Variants in MAP2K4 observed in about 807,000 individuals in gnomAD.
The protein encoded by MAP2K4 is dual specificity mitogen-activated protein kinase kinase 4.
Under a neutral mutation model 48.5 loss-of-function variants are expected in MAP2K4, and 4 were observed. The ratio of observed to expected loss-of-function variants is 0.08; its 90% confidence interval spans 0.04 to 0.19. MAP2K4 has a LOEUF of 0.19. MAP2K4 is among the 10% of genes least tolerant of loss of function. MAP2K4 has a pLI of 1.00. For synonymous variants in MAP2K4, 166 were observed against 173.1 expected (o/e 0.96, Z 0.32); for missense variants, 258 against 493.3 (o/e 0.52, Z 4.52).
chr17:12,067,974 T>A (rs1364674624), intron 2 of MAP2K4, among the ~76,000 whole-genome samples: 1 of 151,372 alleles, frequency 6.6e-6, no homozygotes, highest in Non-Finnish European at 1.5e-5. Flanking sequence ...AGAAGGAGGG[T>A]GGTGAAAATG....
chr17:12,054,931 T>C lies in MAP2K4; in HGVS notation c.158T>C (p.Phe53Ser), dbSNP rs372872972. 5.0e-6 allele frequency: 8 copies of C among 1,612,428 alleles called. No homozygotes were observed. The highest frequency in any genetic ancestry group is 6.8e-6 in the Non-Finnish European group (8 of 1,178,964). Reference protein sequence around the residue: ...ALKLNFANPPFKSTARFTLNP... With the variant: ...ALKLNFANPPSKSTARFTLNP... ...AAGTTGAATTTTGCAAATCCACCTT[T>C]CAAATCTACAGCAAGGTTTACTCTG... Residue 53 changes from phenylalanine to serine, a missense_variant, in exon 2 of 11, where the codon TTC (phenylalanine) becomes TCC (serine). Physicochemically the swap from Phe to Ser is radical, Grantham distance 155 (BLOSUM62 -2). Around this residue, in one of 3 missense-constraint regions of MAP2K4, gnomAD observed 132 missense variants for 352.8 expected, o/e 0.37. Coordinates refer to ENST00000353533, the MANE Select transcript of MAP2K4 (RefSeq NM_003010.4).
intron 6 of MAP2K4, 80 bp from the exon 7 acceptor site, chr17:12,113,153 C>T: frequency 7.3e-7 from 1 of 1,378,406 alleles, no homozygotes; most frequent in Admixed American, 1.9e-5. Flanking sequence ...TAAGGTTTTT[C>T]AATATTTTTG....
At chr17:12,089,071 C>G (rs1261740599) in intron 3 of MAP2K4, among the ~76,000 whole-genome samples, 1 of 152,028 alleles carries the variant, frequency 6.6e-6, no homozygotes, top group East Asian at 1.9e-4. Context: ...GCCACCACGC[C>G]TGGCTAATTT....
At position 12,129,114 on chromosome 17, in the gene MAP2K4, GCTCTTTC is replaced by G. The variant is rs1972947504; in HGVS notation, c.892-18_892-12del. On this transcript the variant is annotated intron_variant, in intron 8 of 10. Transcript: ENST00000353533. ...TAGTAAATGATGCCTGGTGTATTTT[GCTCTTTC>G]CTCTTTGTTCTCTTTAGTATGAGTT... 1.2e-6 allele frequency: 2 copies of G among 1,610,752 alleles called. No homozygotes were observed. The highest frequency in any genetic ancestry group is 3.3e-5 in the Admixed American group (2 of 59,896).
chr17:12,040,054 G>A (rs1302797213), intron 1 of MAP2K4, among the ~76,000 whole-genome samples: 1 of 152,142 alleles, frequency 6.6e-6, no homozygotes, highest in African/African-American at 2.4e-5. Context: ...TATCACATCA[G>A]GAGGCATATG....
intron 9 of MAP2K4, among the ~76,000 whole-genome samples, chr17:12,133,474 G>A (rs1213726282): frequency 6.6e-6 from 1 of 152,128 alleles, no homozygotes; most frequent in Non-Finnish European, 1.5e-5. Context: ...TGCTCCTTCT[G>A]CATTCCTCAG....
intron 9 of MAP2K4, among the ~76,000 whole-genome samples, chr17:12,130,286 G>A (rs2151591467): frequency 6.6e-6 from 1 of 152,250 alleles, no homozygotes; most frequent in Non-Finnish European, 1.5e-5. Flanking sequence ...TCAGAGGGGA[G>A]AGGAATACTT....
At chr17:12,043,094 G>C (rs555459033) in intron 1 of MAP2K4, among the ~76,000 whole-genome samples, 3 of 152,098 alleles carry the variant, frequency 2.0e-5, no homozygotes, top group African/African-American at 7.2e-5. Flanking sequence ...CTAGGTATTT[G>C]AAGGACATCT....
At chr17:12,046,850 G>A (rs1354971234) in intron 1 of MAP2K4, among the ~76,000 whole-genome samples, 1 of 151,814 alleles carries the variant, frequency 6.6e-6, no homozygotes, top group Non-Finnish European at 1.5e-5. Context: ...TTCCTTGTTA[G>A]ATGAGCAGCT....
At chr17:12,036,376 T>C (rs1969598130) in intron 1 of MAP2K4, 2 of 152,248 alleles carry the variant, frequency 1.3e-5, no homozygotes, top group South Asian at 2.1e-4. Flanking sequence ...AAGGTATTTA[T>C]ATAATTTATG....
In MAP2K4 at chr17:12,021,111, C is replaced by G. The variant is rs1369556432; in HGVS notation, c.115+110C>G. Reference sequence around the variant, plus strand: ...ACCCGGCTGAGGAAGCCACGGCAGCCGCCGGCTTCTCCCTCTCTCCCTCCC... The same window carrying G: ...ACCCGGCTGAGGAAGCCACGGCAGCGGCCGGCTTCTCCCTCTCTCCCTCCC... On this transcript the variant is annotated intron_variant, in intron 1 of 10. Transcript: ENST00000353533. 5.2e-5 allele frequency: 30 copies of G among 580,420 alleles called. No homozygotes were observed. The East Asian group carries it at 1.0e-3, about 20-fold the overall frequency. 36.0% of individuals were successfully genotyped at this position (580,420 alleles called of 1,614,324 possible).
At chr17:12,119,442 AC>A (rs1972606577) in intron 7 of MAP2K4, among the ~76,000 whole-genome samples, 1 of 152,216 alleles carries the variant, frequency 6.6e-6, no homozygotes, top group South Asian at 2.1e-4. Flanking sequence ...ACAATGAGAT[AC>A]ATCTCACACC....
chr17:12,056,224 A>G (rs1970278884), intron 2 of MAP2K4, among the ~76,000 whole-genome samples: 1 of 152,088 alleles, frequency 6.6e-6, no homozygotes, highest in South Asian at 2.1e-4. Context: ...TATAGCAGTA[A>G]TCACCAAACT....
intron 9 of MAP2K4, 74 bp from the exon 10 acceptor site, chr17:12,139,764 AT>A: frequency 9.6e-7 from 1 of 1,038,506 alleles, no homozygotes; most frequent in Non-Finnish European, 1.5e-6. Context: ...TATTTGTAAT[AT>A]TTCATCTGTG....
Position 12,142,927 on chromosome 17 carries a change from C to T in MAP2K4, c.*1667C>T, listed in dbSNP as rs751434207. The T allele has an allele frequency of 3.4e-5, 8 of 232,456 alleles. No homozygotes were observed. Among genetic ancestry groups the T allele is most frequent in the South Asian group, 3.6e-4 (2 of 5,496 alleles). The allele number at this position is 232,456 out of a possible 1,614,324, so 14.4% of individuals were successfully genotyped here. A position where few individuals can be genotyped will look rare whatever the true frequency, so the allele number is the denominator to read the frequency against. On this transcript the variant is annotated 3_prime_UTR_variant, in exon 11 of 11. Transcript: ENST00000353533. The stretch of plus-strand genomic sequence containing the variant: ...GCCATTACAGAACCAAATCGTGGCA[C>T]GTATTGCTGTGTCTCCTCTCAGAGT...
chr17:12,143,317 G>A lies in MAP2K4; in HGVS notation c.*2057G>A, dbSNP rs1973434709. On this transcript the variant is annotated 3_prime_UTR_variant, in exon 11 of 11. Coordinates refer to ENST00000353533, the MANE Select transcript of MAP2K4 (RefSeq NM_003010.4). ...AATCTGACCGTTCTATTGTGTGGAT[G>A]ACCACATAAGAAGGCAATTTTAGTG... The A allele has an allele frequency of 4.3e-6, 1 of 232,700 alleles. No homozygotes were observed. Among genetic ancestry groups the A allele is most frequent in the Non-Finnish European group, 8.5e-6 (1 of 117,510 alleles). The allele number at this position is 232,700 out of a possible 1,614,324, so 14.4% of individuals were successfully genotyped here.
chr17:12,088,661 C>G (rs1180091056), intron 3 of MAP2K4, among the ~76,000 whole-genome samples: 1 of 143,078 alleles, frequency 7.0e-6, no homozygotes, highest in East Asian at 2.0e-4. Context: ...ATTTTTAATG[C>G]TGAACCTTTG....
At chr17:12,139,974 T>C (rs1973324704) in intron 10 of MAP2K4, 90 bp downstream of exon 10, 8 of 740,464 alleles carry the variant, frequency 1.1e-5, no homozygotes, top group Non-Finnish European at 1.7e-5. Flanking sequence ...TGGGCCTCTC[T>C]GTCATAAACA....
intron 1 of MAP2K4, among the ~76,000 whole-genome samples, chr17:12,046,726 T>C (rs1311351868): frequency 6.6e-6 from 1 of 152,162 alleles, no homozygotes; most frequent in African/African-American, 2.4e-5. Context: ...ATGAATCAGT[T>C]ATGAGTTTCT....
Sources: allele counts gnomAD v4.1 joint callset (sites outside exome capture counted in the v4.1 genomes callset), GRCh38; gene constraint gnomAD v4.1.1; regional missense constraint gnomAD v4.1.1; transcripts MANE v1.5; gene names NCBI Gene and HGNC (gene_info 2026-07-23, HGNC 2026-07-21).